SP100: variants seen among roughly 807,000 people sequenced by gnomAD.
The protein encoded by SP100 is SP100 nuclear body protein, also known as nuclear autoantigen Sp-100.
In SP100, 84 loss-of-function variants were observed where a neutral mutation model predicts 130.0. The ratio of observed to expected loss-of-function variants is 0.65; its 90% CI spans 0.54 to 0.77. The LOEUF (loss-of-function observed/expected upper bound fraction) is 0.77. Among genes scored for constraint, SP100 ranks in the 30% least tolerant of loss-of-function variants. The pLI is 0.00. For missense variants in SP100, 978 were observed against 1,052.2 expected, an observed-to-expected ratio of 0.93 and a Z score of 0.97; for synonymous variants, 331 against 351.7, an observed-to-expected ratio of 0.94 and a Z score of 0.66.
intron 5 of SP100, 44 bp downstream of exon 5, chr2:230,446,946 G>A: frequency 8.5e-7 from 1 of 1,180,632 alleles, no homozygotes; most frequent in Non-Finnish European, 1.2e-6. Flanking sequence ...AGAGGTTAGG[G>A]ATCCAAGGTT....
chr2:230,475,783 T>C (rs1341640298), intron 17 of SP100, among the ~76,000 whole-genome samples: 1 of 152,228 alleles, frequency 6.6e-6, no homozygotes, highest in Non-Finnish European at 1.5e-5. Flanking sequence ...GCATCATTTA[T>C]TGAATAGACA....
At chr2:230,479,398 C>T (rs577730498) in intron 17 of SP100, among the ~76,000 whole-genome samples, 1 of 152,298 alleles carries the variant, frequency 6.6e-6, no homozygotes, top group Admixed American at 6.5e-5. Flanking sequence ...TTTCTTTTAT[C>T]TCAAAATACT....
intron 26 of SP100, 146 bp downstream of exon 26, chr2:230,541,142 T>C (rs1692156658): frequency 4.0e-6 from 5 of 1,246,112 alleles, no homozygotes; most frequent in South Asian, 1.5e-5. Context: ...ACGCTACAAT[T>C]CATATTCCAA....
chr2:230,419,276 T>C (rs1218150597), intron 2 of SP100, among the ~76,000 whole-genome samples: 3 of 152,240 alleles, frequency 2.0e-5, no homozygotes, highest in South Asian at 2.1e-4. Flanking sequence ...AGTTTTAAGA[T>C]ACTTGGCGTT....
At chr2:230,540,142 G>T (rs908071570) in intron 25 of SP100, among the ~76,000 whole-genome samples, 1 of 152,176 alleles carries the variant, frequency 6.6e-6, no homozygotes, top group African/African-American at 2.4e-5. Flanking sequence ...TTGAGCCCTT[G>T]TATAGCCCCT....
In SP100 at chr2:230,541,856, G is replaced by A. The variant is rs750028488; in HGVS notation, c.2404-36G>A. ...CATAATAGTGGGAGTCTATGGCACT[G>A]GGCTGATAGCCTCATTTTGGTCTTT... On this transcript the variant is annotated intron_variant, in intron 27 of 28. Transcript: ENST00000340126. 5.0e-6 allele frequency: 8 copies of A among 1,605,792 alleles called. No homozygotes were observed. In the African/African-American group the frequency reaches 5.4e-5, roughly 11 times the overall value.
At chr2:230,471,264 G>A (rs1353305533) in intron 15 of SP100, among the ~76,000 whole-genome samples, 1 of 152,200 alleles carries the variant, frequency 6.6e-6, no homozygotes, top group Non-Finnish European at 1.5e-5. Flanking sequence ...AAAATGAGAA[G>A]TGAGAAGGAG....
intron 23 of SP100, chr2:230,510,281 G>C (rs1407681805): frequency 6.6e-6 from 1 of 152,564 alleles, no homozygotes; most frequent in Non-Finnish European, 1.5e-5. Flanking sequence ...TTCAGGAGAA[G>C]AGCTACAGTA....
At chr2:230,449,240 G>T in intron 6 of SP100, 90 bp downstream of exon 6, 1 of 1,319,678 alleles carries the variant, frequency 7.6e-7, no homozygotes, top group Non-Finnish European at 1.1e-6. Flanking sequence ...GTTAATGATT[G>T]TCCAGAATTT....
chr2:230,462,393 T>C, intron 9 of SP100, 42 bp from the exon 10 acceptor site: 1 of 1,508,562 alleles, frequency 6.6e-7, no homozygotes, highest in Non-Finnish European at 9.2e-7. Context: ...GACTCCTTGG[T>C]CACACCCTGA....
At chr2:230,485,181 G>A (rs192635396) in intron 17 of SP100, among the ~76,000 whole-genome samples, 1 of 151,446 alleles carries the variant, frequency 6.6e-6, no homozygotes, top group East Asian at 1.9e-4. Flanking sequence ...TTGAACTCCT[G>A]GTCTCAAATG....
intron 17 of SP100, among the ~76,000 whole-genome samples, chr2:230,483,489 G>C (rs2065924515): frequency 6.6e-6 from 1 of 152,206 alleles, no homozygotes; most frequent in Non-Finnish European, 1.5e-5. Flanking sequence ...CCATGGCAAA[G>C]ACTTTGGATT....
chr2:230,531,782 G>C (rs1436244162), intron 24 of SP100, among the ~76,000 whole-genome samples: 1 of 151,992 alleles, frequency 6.6e-6, no homozygotes, highest in African/African-American at 2.4e-5. Context: ...ATGTATAGTG[G>C]GTGTGGTGGA....
intron 2 of SP100, among the ~76,000 whole-genome samples, chr2:230,432,497 A>G (rs143070068): frequency 6.6e-6 from 1 of 152,324 alleles, no homozygotes; most frequent in Non-Finnish European, 1.5e-5. Context: ...AGCAATGTAT[A>G]AGGGTTCAAG....
chr2:230,541,454 T>G, intron 27 of SP100, 82 bp downstream of exon 27: 6 of 1,218,496 alleles, frequency 4.9e-6, no homozygotes, highest in South Asian at 1.3e-5. Context: ...GGTGCCATTC[T>G]ATTTGGCTTG....
chr2:230,535,995 T>C lies in SP100; in HGVS notation c.2095-3272T>C, dbSNP rs138453862. On this transcript the variant is annotated intron_variant, in intron 24 of 28. Coordinates refer to ENST00000340126, the MANE Select transcript of SP100 (RefSeq NM_001080391.2). Reference sequence around the variant, plus strand: ...AGGAACTGGTCATTTTCCCAGGGCTTTGACTGAAATGGCCTTGTGAGAGGT... The same window carrying C: ...AGGAACTGGTCATTTTCCCAGGGCTCTGACTGAAATGGCCTTGTGAGAGGT... Among the ~76,000 whole-genome samples the C allele has an allele frequency of 2.0e-4, 30 of 151,806 alleles. No individual in the cohort carries two copies. In the East Asian group the frequency reaches 5.8e-3, roughly 29 times the overall value.
At position 230,450,159 on chromosome 2, in the gene SP100, C is replaced by T. The variant is rs553567738; in HGVS notation, c.737-13C>T. On this transcript the variant is annotated splice_polypyrimidine_tract_variant and intron_variant, in intron 7 of 28. Transcript: ENST00000340126. Reference sequence around the variant, plus strand: ...CTCTACTGGATCTCAGCTGTGATCTCGTTTATCTCCAGAGTCCTGCGAACA... The same window carrying T: ...CTCTACTGGATCTCAGCTGTGATCTTGTTTATCTCCAGAGTCCTGCGAACA... 21 of 1,600,292 alleles carry T rather than the reference C, an allele frequency of 1.3e-5. No individual in the cohort carries two copies. The South Asian group carries it at 1.4e-4, about 11-fold the overall frequency.
intron 10 of SP100, among the ~76,000 whole-genome samples, chr2:230,463,028 T>A (rs1329177019): frequency 6.6e-6 from 1 of 152,236 alleles, no homozygotes; most frequent in East Asian, 1.9e-4. Flanking sequence ...TTGTTTCTGA[T>A]AGAGTTCTTC....
intron 24 of SP100, among the ~76,000 whole-genome samples, chr2:230,520,000 T>C (rs1691097398): frequency 6.6e-6 from 1 of 152,166 alleles, no homozygotes; most frequent in Non-Finnish European, 1.5e-5. Context: ...CTTGGTTGTT[T>C]TGAATGAGAC....
Sources: allele counts gnomAD v4.1 joint callset (sites outside exome capture counted in the v4.1 genomes callset), GRCh38; gene constraint gnomAD v4.1.1; transcripts MANE v1.5; gene names NCBI Gene and HGNC (gene_info 2026-07-23, HGNC 2026-07-21).